Variants in AUTS2 observed in about 807,000 individuals in gnomAD.
AUTS2 encodes autism susceptibility gene 2 protein.
AUTS2 carries 17 observed loss-of-function variants against 112.4 expected under a neutral mutation model. The ratio of observed to expected loss-of-function variants is 0.15; its 90% confidence interval spans 0.10 to 0.23. AUTS2 has a LOEUF of 0.23. Among genes scored for constraint, AUTS2 ranks in the 10% least tolerant of loss-of-function variants. AUTS2 has a pLI of 1.00. For missense variants in AUTS2, 1,510 were observed against 1,701.6 expected (o/e 0.89, Z 1.98); for synonymous variants, 751 against 702.7 (o/e 1.07, Z -1.09).
intron 6 of AUTS2, among the ~76,000 whole-genome samples, chr7:70,755,236 C>T (rs1443794770): frequency 2.6e-5 from 4 of 151,044 alleles, no homozygotes; most frequent in East Asian, 3.9e-4. Context: ...ATCACTCCAG[C>T]GTGGGCGACA....
intron 5 of AUTS2, among the ~76,000 whole-genome samples, chr7:70,675,206 T>G (rs904069802): frequency 2.6e-5 from 4 of 152,174 alleles, no homozygotes; most frequent in Admixed American, 1.3e-4. Flanking sequence ...TCAGAAATGT[T>G]TGGTGACCAG....
chr7:70,719,248 G>C (rs12698918), intron 6 of AUTS2, among the ~76,000 whole-genome samples: 14,789 of 152,082 alleles, frequency 0.097, 985 homozygotes, highest in South Asian at 0.19. Flanking sequence ...TATCTCCCCT[G>C]AGCTGTTAGC....
intron 4 of AUTS2, among the ~76,000 whole-genome samples, chr7:70,249,778 G>C (rs530455058): frequency 1.2e-4 from 18 of 151,716 alleles, no homozygotes; most frequent in Non-Finnish European, 2.6e-4. Context: ...TGCAGGTGAT[G>C]ATGCAGGTGC....
chr7:70,672,595 T>C (rs769989914), intron 5 of AUTS2, among the ~76,000 whole-genome samples: 105 of 151,958 alleles, frequency 6.9e-4, no homozygotes, highest in Non-Finnish European at 1.1e-3. Context: ...GGACACATGA[T>C]TTCTTTTTCT....
At chr7:69,950,273 A>T (rs1301947307) in intron 2 of AUTS2, among the ~76,000 whole-genome samples, 1 of 152,162 alleles carries the variant, frequency 6.6e-6, no homozygotes, top group African/African-American at 2.4e-5. Flanking sequence ...AGGCTCAGAA[A>T]ATCAGACTTT....
intron 4 of AUTS2, among the ~76,000 whole-genome samples, chr7:70,393,144 T>C (rs1399692064): frequency 6.6e-6 from 1 of 152,202 alleles, no homozygotes; most frequent in African/African-American, 2.4e-5. Flanking sequence ...GGTGTGCATT[T>C]GCACAGCAGC....
At chr7:70,325,199 C>T (rs1360318738) in intron 4 of AUTS2, among the ~76,000 whole-genome samples, 1 of 152,082 alleles carries the variant, frequency 6.6e-6, no homozygotes, top group Non-Finnish European at 1.5e-5. Flanking sequence ...TGGCTCACAC[C>T]TGTAATCCCA....
At chr7:70,011,584 C>G (rs1244265938) in intron 2 of AUTS2, among the ~76,000 whole-genome samples, 2 of 152,056 alleles carry the variant, frequency 1.3e-5, no homozygotes, top group Non-Finnish European at 2.9e-5. Context: ...TTAATAATTA[C>G]CAAGAGGGTC....
intron 2 of AUTS2, among the ~76,000 whole-genome samples, chr7:69,902,656 C>T (rs1264301724): frequency 2.6e-5 from 4 of 151,996 alleles, no homozygotes; most frequent in Non-Finnish European, 5.9e-5. Flanking sequence ...TTTTCTGAGA[C>T]TCCGTTGAAG....
intron 1 of AUTS2, among the ~76,000 whole-genome samples, chr7:69,785,974 G>A (rs900154313): frequency 6.6e-6 from 1 of 152,118 alleles, no homozygotes; most frequent in African/African-American, 2.4e-5. Context: ...GGGATTACAG[G>A]TGCCCGCCAC....
At chr7:70,466,487 T>G (rs1470454533) in intron 5 of AUTS2, among the ~76,000 whole-genome samples, 1 of 152,228 alleles carries the variant, frequency 6.6e-6, no homozygotes, top group Non-Finnish European at 1.5e-5. Flanking sequence ...ATAAGGCTTT[T>G]GGGATGCGGC....
In AUTS2 at chr7:70,621,838, CTTTTTTTTTTTTT is replaced by C. The variant is rs67123941; in HGVS notation, c.691-76716_691-76704del. The stretch of plus-strand genomic sequence containing the variant: ...GCTTACGTTAGTGCATAGTCATTCT[CTTTTTTTTTTTTT>C]TTTTTTTTTTTTTTGGAGAAATGGA... On this transcript the variant is annotated intron_variant, in intron 5 of 18. Coordinates refer to ENST00000342771, the MANE Select transcript of AUTS2 (RefSeq NM_015570.4). Among the ~76,000 whole-genome samples, 79 of 66,820 alleles carry C rather than the reference CTTTTTTTTTTTTT, an allele frequency of 1.2e-3. 1 individual carries two copies. The highest frequency in any genetic ancestry group is 9.3e-3 in the Admixed American group (38 of 4,104). The allele number at this position is 66,820 out of a possible 152,430, so 43.8% of individuals were successfully genotyped here.
chr7:70,281,130 A>C (rs192282114), intron 4 of AUTS2, among the ~76,000 whole-genome samples: 16 of 152,294 alleles, frequency 1.1e-4, no homozygotes, highest in Admixed American at 2.0e-4. Context: ...AACATCCAAC[A>C]ATCCCTTAAA....
intron 2 of AUTS2, among the ~76,000 whole-genome samples, chr7:69,924,920 G>T (rs1177171445): frequency 6.6e-6 from 1 of 152,154 alleles, no homozygotes; most frequent in Non-Finnish European, 1.5e-5. Flanking sequence ...TTTTCTTTCT[G>T]TGGAAAGGTT....
chr7:70,561,209 T>C (rs1409069798), intron 5 of AUTS2, among the ~76,000 whole-genome samples: 1 of 152,220 alleles, frequency 6.6e-6, no homozygotes, highest in Non-Finnish European at 1.5e-5. Context: ...TCTCTTGTTT[T>C]ACCAGTAAGA....
At chr7:70,613,836 T>G (rs754860724) in intron 5 of AUTS2, among the ~76,000 whole-genome samples, 3 of 152,232 alleles carry the variant, frequency 2.0e-5, no homozygotes, top group Non-Finnish European at 4.4e-5. Flanking sequence ...TTAATCACTC[T>G]TGTGGTCAAA....
intron 4 of AUTS2, among the ~76,000 whole-genome samples, chr7:70,327,708 G>T (rs184550869): frequency 1.3e-5 from 2 of 152,268 alleles, no homozygotes; most frequent in African/African-American, 2.4e-5. Flanking sequence ...TACAGGTGTG[G>T]TTAGTCTAAG....
At chr7:70,169,531 G>A (rs1026600036) in intron 4 of AUTS2, among the ~76,000 whole-genome samples, 3 of 152,076 alleles carry the variant, frequency 2.0e-5, no homozygotes, top group African/African-American at 4.8e-5. Flanking sequence ...ATGAGCCACC[G>A]CATACGGCCT....
intron 1 of AUTS2, among the ~76,000 whole-genome samples, chr7:69,680,673 T>C (rs1005608140): frequency 1.3e-5 from 2 of 152,148 alleles, no homozygotes; most frequent in Non-Finnish European, 1.5e-5. Flanking sequence ...AGTATTTTAT[T>C]TTATTTTTTA....
Sources: allele counts gnomAD v4.1 joint callset (sites outside exome capture counted in the v4.1 genomes callset), GRCh38; gene constraint gnomAD v4.1.1; transcripts MANE v1.5; gene names NCBI Gene and HGNC (gene_info 2026-07-23, HGNC 2026-07-21).